The following PPEF1 variants were observed in gnomAD, a reference collection of about 807,000 sequenced individuals.
PPEF1 encodes protein phosphatase with EF-hand domain 1, also known as serine/threonine-protein phosphatase with EF-hands 1.
In PPEF1, 12 loss-of-function variants were observed where a neutral mutation model predicts 53.3. The ratio of observed to expected loss-of-function variants is 0.23; its 90% CI spans 0.14 to 0.36. The LOEUF (loss-of-function observed/expected upper bound fraction) is 0.36, where lower values mean the gene tolerates loss of function less well. Ranked by LOEUF, PPEF1 falls within the 10% of genes least tolerant of loss-of-function variation. The probability of loss-of-function intolerance (pLI) is 1.00; values close to 1 mark genes in which losing one functional copy is unlikely to be tolerated. For missense variants in PPEF1, 334 were observed against 490.4 expected (o/e 0.68, Z 3.01); for synonymous variants, 165 against 176.7 (o/e 0.93, Z 0.52).
At chrX:18,732,886 A>G (rs2044870714) in intron 2 of PPEF1, among the ~76,000 whole-genome samples, 1 of 111,081 alleles carries the variant, frequency 9.0e-6, no homozygotes, top group Non-Finnish European at 1.9e-5. Flanking sequence ...ATATTCCTTA[A>G]CTCTTAATTT....
chrX:18,798,693 G>A (rs1293229467), intron 10 of PPEF1, among the ~76,000 whole-genome samples: 1 of 110,573 alleles, frequency 9.0e-6, no homozygotes, highest in African/African-American at 3.3e-5. Flanking sequence ...GTGCGATCTC[G>A]GCTCAATGCA....
Position 18,782,410 on chromosome X carries a change from A to C in PPEF1, c.762+8A>C, listed in dbSNP as rs954951542. On this transcript the variant is annotated splice_region_variant and intron_variant, in intron 8 of 15. Transcript: ENST00000470157. ...ATTTTGCATAAATATAAGGTAAGACATGCTTTTTTTTTTTTTTTTAGTATT... is the reference window on the plus strand; with the variant it reads ...ATTTTGCATAAATATAAGGTAAGACCTGCTTTTTTTTTTTTTTTTAGTATT... The C allele has an allele frequency of 9.3e-7, 1 of 1,070,034 alleles. No individual in the cohort carries two copies. The highest frequency in any genetic ancestry group is 1.2e-6 in the Non-Finnish European group (1 of 801,538). The allele number at this position is 1,070,034 out of a possible 1,213,427, so 88.2% of individuals were successfully genotyped here. A position where few individuals can be genotyped will look rare whatever the true frequency, so the allele number is the denominator to read the frequency against.
intron 10 of PPEF1, among the ~76,000 whole-genome samples, chrX:18,799,097 G>C (rs902306000): frequency 1.9e-4 from 21 of 111,470 alleles, no homozygotes; most frequent in African/African-American, 6.8e-4. Context: ...TTAGCCGGGC[G>C]TGGTGGCGCA....
At chrX:18,741,623 G>A (rs1035078303) in intron 3 of PPEF1, among the ~76,000 whole-genome samples, 1 of 109,732 alleles carries the variant, frequency 9.1e-6, no homozygotes, top group Non-Finnish European at 1.9e-5. Context: ...GGCCACATAA[G>A]TTTCCCATCC....
At chrX:18,770,386 T>C (rs1476353936) in intron 6 of PPEF1, among the ~76,000 whole-genome samples, 1 of 111,668 alleles carries the variant, frequency 9.0e-6, no homozygotes, top group Non-Finnish European at 1.9e-5. Context: ...TTGCCCTCTT[T>C]GATGCGGTTG....
chrX:18,771,288 A>G (rs146651574), intron 6 of PPEF1, among the ~76,000 whole-genome samples: 3,692 of 110,896 alleles, frequency 0.033, 147 homozygotes, highest in African/African-American at 0.11. Flanking sequence ...TTGTTTTTCT[A>G]ATTTCCTAAG....
At chrX:18,825,698 G>C in intron 14 of PPEF1, 53 bp from the exon 15 acceptor site, 1 of 765,191 alleles carries the variant, frequency 1.3e-6, no homozygotes, top group South Asian at 3.1e-5. Flanking sequence ...TGCTAAAAGC[G>C]ATCAGTGTCA....
intron 6 of PPEF1, among the ~76,000 whole-genome samples, chrX:18,762,300 C>T (rs1412744650): frequency 8.9e-6 from 1 of 112,024 alleles, no homozygotes; most frequent in Non-Finnish European, 1.9e-5. Context: ...TTCTGAATGT[C>T]TCTTTTTGAT....
intron 3 of PPEF1, among the ~76,000 whole-genome samples, chrX:18,738,501 GT>G (rs1221410945): frequency 8.9e-6 from 1 of 112,134 alleles, no homozygotes; most frequent in Non-Finnish European, 1.9e-5. Flanking sequence ...TCCGCTGTTA[GT>G]CTGATAGGCT....
intron 4 of PPEF1, among the ~76,000 whole-genome samples, chrX:18,695,633 G>A (rs1876724501): frequency 8.9e-6 from 1 of 112,385 alleles, no homozygotes; most frequent in South Asian, 3.7e-4. Flanking sequence ...CTTCTGTGAA[G>A]CTTTTTGATT....
chrX:18,812,142 A>G (rs1460452215), intron 12 of PPEF1, among the ~76,000 whole-genome samples: 1 of 111,081 alleles, frequency 9.0e-6, no homozygotes, highest in Non-Finnish European at 1.9e-5. Context: ...TAGGTTTCTG[A>G]TCCATTTTGA....
intron 4 of PPEF1, 90 bp from the exon 5 acceptor site, chrX:18,757,537 T>G (rs1878955121): frequency 1.6e-6 from 1 of 631,693 alleles, no homozygotes; most frequent in Non-Finnish European, 2.6e-6. Flanking sequence ...ACCTGAAACG[T>G]GCGTGCTTGC....
chrX:18,749,800 A>T lies in PPEF1; in HGVS notation c.244A>T (p.Asn82Tyr). 3.1e-6 allele frequency: 3 copies of T among 983,235 alleles called. No individual in the cohort carries two copies. The highest frequency in any genetic ancestry group is 2.6e-6 in the Non-Finnish European group (2 of 755,815). The allele number at this position is 983,235 out of a possible 1,213,427, so 81.0% of individuals were successfully genotyped here. A position where few individuals can be genotyped will look rare whatever the true frequency, so the allele number is the denominator to read the frequency against. The part of the protein sequence containing the change: ...HIHKEELELR[N>Y]QSLESEQDMR... ...TGTCCTTCCTTTTCCAGAATTAAGA[A>T]ATCAGTCTCTTGAAAGCGAACAGGA... The change falls in exon 4 of 16, where the codon AAT becomes TAT. Residue 82 changes from asparagine (N) to tyrosine (Y), a missense_variant. Physicochemically the swap from Asn to Tyr is moderately radical, Grantham distance 143. Coordinates refer to ENST00000470157, the MANE Select transcript of PPEF1 (RefSeq NM_001377996.1).
intron 13 of PPEF1, among the ~76,000 whole-genome samples, chrX:18,819,257 C>G (rs1251304235): frequency 9.0e-6 from 1 of 111,628 alleles, no homozygotes; most frequent in Non-Finnish European, 1.9e-5. Flanking sequence ...AAATATGGAA[C>G]CAGAAACATG....
intron 10 of PPEF1, among the ~76,000 whole-genome samples, chrX:18,792,769 G>C (rs966291674): frequency 8.9e-6 from 1 of 111,926 alleles, no homozygotes; most frequent in Non-Finnish European, 1.9e-5. Flanking sequence ...AGGAATGAAG[G>C]GTTTTACTGA....
intron 1 of PPEF1, among the ~76,000 whole-genome samples, chrX:18,724,067 CTT>C (rs1390962283): frequency 9.0e-6 from 1 of 111,664 alleles, no homozygotes; most frequent in Admixed American, 9.6e-5. Context: ...GGATTAAAGA[CTT>C]GAGCCATTGC....
intron 8 of PPEF1, among the ~76,000 whole-genome samples, chrX:18,783,546 C>T (rs1457280628): frequency 4.5e-5 from 5 of 110,477 alleles, no homozygotes; most frequent in South Asian, 3.9e-4. Flanking sequence ...GGAGAAACCC[C>T]GTCTCTACTG....
rs530611271 is a variant in PPEF1 at position 18,685,801 on chromosome X, G to A, written c.-519-337G>A. Among the ~76,000 whole-genome samples, 8 of 110,956 alleles carry A rather than the reference G, an allele frequency of 7.2e-5. No homozygotes were observed. The South Asian group carries it at 2.6e-3, about 37-fold the overall frequency. On this transcript the variant is annotated intron_variant, in intron 2 of 21. Coordinates refer to the PPEF1 transcript ENST00000361511. ...TCAATATTAGTCATACATTTCTAGC[G>A]TCTGCTTCTGGGCTCAGCGTTCTTC...
chrX:18,731,727 G>A (rs919203199), intron 2 of PPEF1, among the ~76,000 whole-genome samples: 4 of 111,309 alleles, frequency 3.6e-5, no homozygotes, highest in Non-Finnish European at 1.9e-5. Flanking sequence ...TTCATTTCCC[G>A]CTTCCTAAAC....
Sources: gnomAD v4.1 joint callset for allele counts (sites outside exome capture counted in the v4.1 genomes callset) on GRCh38, gnomAD v4.1.1 for gene constraint, MANE v1.5 for transcripts, NCBI Gene and HGNC (gene_info 2026-07-23, HGNC 2026-07-21) for gene names.